MSH3: variants seen among roughly 807,000 people sequenced by gnomAD.
MSH3 encodes DNA mismatch repair protein Msh3.
In MSH3, 106 loss-of-function variants were observed where a neutral mutation model predicts 123.3. The observed-to-expected ratio is 0.86, with a 90% CI of 0.73 to 1.01. The LOEUF (loss-of-function observed/expected upper bound fraction) is 1.01. MSH3 is among the 50% of genes least tolerant of loss of function. The probability of loss-of-function intolerance (pLI) is 0.00; values close to 1 mark genes in which losing one functional copy is unlikely to be tolerated. For synonymous variants in MSH3, 515 were observed against 481.4 expected, an observed-to-expected ratio of 1.07 and a Z score of -0.91; for missense variants, 1,459 against 1,347.6, an observed-to-expected ratio of 1.08 and a Z score of -1.29.
At chr5:80,734,165 GA>G (rs1340648968) in intron 10 of MSH3, among the ~76,000 whole-genome samples, 1 of 152,186 alleles carries the variant, frequency 6.6e-6, no homozygotes, top group East Asian at 1.9e-4. Context: ...GATGAACCTT[GA>G]AAATATTATG....
intron 6 of MSH3, among the ~76,000 whole-genome samples, chr5:80,674,188 C>T (rs1462862861): frequency 6.6e-6 from 1 of 152,186 alleles, no homozygotes; most frequent in Non-Finnish European, 1.5e-5. Flanking sequence ...TACAGTCCCC[C>T]TCCCTGCTTT....
chr5:80,845,288 T>C (rs1406347745), intron 20 of MSH3, among the ~76,000 whole-genome samples: 2 of 152,222 alleles, frequency 1.3e-5, no homozygotes, highest in Non-Finnish European at 2.9e-5. Flanking sequence ...TCTGATGGGC[T>C]TCCCTTTGTG....
chr5:80,737,864 T>G (rs909162887), intron 10 of MSH3, among the ~76,000 whole-genome samples: 6 of 152,174 alleles, frequency 3.9e-5, no homozygotes, highest in African/African-American at 1.4e-4. Context: ...ATCAATCTGA[T>G]TTAAGATTGC....
At chr5:80,748,805 G>C (rs1232877178) in intron 12 of MSH3, among the ~76,000 whole-genome samples, 1 of 151,220 alleles carries the variant, frequency 6.6e-6, no homozygotes, top group Non-Finnish European at 1.5e-5. Context: ...TGGTAGAGGA[G>C]AAAAAAAGAA....
intron 19 of MSH3, among the ~76,000 whole-genome samples, chr5:80,805,659 A>G (rs1473936647): frequency 2.4e-5 from 3 of 125,212 alleles, no homozygotes; most frequent in Non-Finnish European, 4.7e-5. Flanking sequence ...CAGTGTCTCA[A>G]TCTTGGCTCA....
At chr5:80,778,907 A>G in intron 17 of MSH3, 71 bp downstream of exon 17, 1 of 905,894 alleles carries the variant, frequency 1.1e-6, no homozygotes, top group Non-Finnish European at 1.9e-6. Context: ...TCTTTCCATC[A>G]AAAAGAAAAT....
At chr5:80,855,870 C>G (rs988443788) in intron 21 of MSH3, 3 of 131,292 alleles carry the variant, frequency 2.3e-5, no homozygotes, top group Non-Finnish European at 4.6e-5. Flanking sequence ...TCCTCCTCCT[C>G]CTCTTTTTTT....
intron 20 of MSH3, among the ~76,000 whole-genome samples, chr5:80,829,838 T>C (rs1297280311): frequency 1.3e-5 from 2 of 152,228 alleles, no homozygotes; most frequent in East Asian, 3.8e-4. Context: ...TTGATAGAAT[T>C]CACCAGTGAA....
intron 8 of MSH3, among the ~76,000 whole-genome samples, chr5:80,702,781 G>A (rs1750639925): frequency 6.6e-6 from 1 of 152,168 alleles, no homozygotes; most frequent in South Asian, 2.1e-4. Flanking sequence ...GGAGGCTGAG[G>A]AAGGTGGATC....
intron 10 of MSH3, among the ~76,000 whole-genome samples, chr5:80,733,363 G>A (rs986670141): frequency 6.6e-5 from 10 of 152,118 alleles, no homozygotes; most frequent in Non-Finnish European, 1.0e-4. Context: ...AGTTAACACT[G>A]TTATACTCTT....
At chr5:80,814,538 TG>T (rs1745068903) in intron 20 of MSH3, among the ~76,000 whole-genome samples, 1 of 152,266 alleles carries the variant, frequency 6.6e-6, no homozygotes, top group African/African-American at 2.4e-5. Context: ...CTCCAAGTGC[TG>T]GGATTATAGG....
chr5:80,723,684 A>G (rs182594007), intron 8 of MSH3, among the ~76,000 whole-genome samples: 7 of 152,358 alleles, frequency 4.6e-5, no homozygotes, highest in African/African-American at 1.7e-4. Context: ...GAAAAGCATG[A>G]AATGATACAG....
chr5:80,763,532 T>C (rs1744077281), intron 13 of MSH3, among the ~76,000 whole-genome samples: 1 of 152,246 alleles, frequency 6.6e-6, no homozygotes, highest in Non-Finnish European at 1.5e-5. Context: ...TATCCTTGGC[T>C]CAGAGCCTGA....
At chr5:80,778,496 A>C (rs191548698) in intron 16 of MSH3, among the ~76,000 whole-genome samples, 3 of 152,192 alleles carry the variant, frequency 2.0e-5, no homozygotes, top group African/African-American at 7.2e-5. Context: ...TGACTTTGCT[A>C]TATGGGTATA....
intron 8 of MSH3, among the ~76,000 whole-genome samples, chr5:80,723,743 GATA>G (rs1000863573): frequency 6.9e-6 from 1 of 145,644 alleles, no homozygotes; most frequent in African/African-American, 2.6e-5. Context: ...TCACATTCAA[GATA>G]ATGTTTGCTT....
chr5:80,670,414 TC>T (rs1749678573), intron 4 of MSH3, 105 bp downstream of exon 4: 1 of 1,156,708 alleles, frequency 8.6e-7, no homozygotes. Flanking sequence ...GCTGATTTGA[TC>T]AATCACCTTT....
At chr5:80,799,586 A>AT (rs1298442631) in intron 19 of MSH3, among the ~76,000 whole-genome samples, 3 of 52,914 alleles carry the variant, frequency 5.7e-5, no homozygotes, top group Non-Finnish European at 1.1e-4. Context: ...GTTTTATTTT[A>AT]TTTTTTTTCT....
intron 21 of MSH3, among the ~76,000 whole-genome samples, chr5:80,857,361 A>C (rs749628351): frequency 6.3e-4 from 96 of 152,170 alleles, no homozygotes; most frequent in Non-Finnish European, 9.4e-4. Context: ...TAGTTTTCTT[A>C]TAATGTCTTT....
At position 80,729,430 on chromosome 5, in the gene MSH3, A is replaced by ATGTGTGTGTG. The variant is rs71594671; in HGVS notation, c.1568+487_1568+496dup. On this transcript the variant is annotated intron_variant, in intron 10 of 23. Coordinates refer to ENST00000265081, the MANE Select transcript of MSH3 (RefSeq NM_002439.5). ...CTCCGTCCCAAAAAAAAAAAAAAAAATGTGTGTGTGTGTGTGTGTGTGTGT... is the reference window on the plus strand; with the variant it reads ...CTCCGTCCCAAAAAAAAAAAAAAAAATGTGTGTGTGTGTGTGTGTGTGTGTGTGTGTGTGT... 8.4e-4 allele frequency among the ~76,000 whole-genome samples: 66 copies of ATGTGTGTGTG among 78,350 alleles called. No homozygotes were observed. In the East Asian group the frequency reaches 9.3e-3, roughly 11 times the overall value. 51.4% of individuals were successfully genotyped at this position (78,350 alleles called of 152,430 possible). A position where few individuals can be genotyped will look rare whatever the true frequency, so the allele number is the denominator to read the frequency against.
Sources: gnomAD v4.1 joint callset for allele counts (sites outside exome capture counted in the v4.1 genomes callset) on GRCh38, gnomAD v4.1.1 for gene constraint, MANE v1.5 for transcripts, NCBI Gene and HGNC (gene_info 2026-07-23, HGNC 2026-07-21) for gene names.